Variants in CCDC47 observed in about 807,000 individuals in gnomAD.
CCDC47 encodes coiled-coil domain containing 47.
A neutral mutation model predicts 60.5 loss-of-function variants in CCDC47; 41 were observed. The ratio of observed to expected loss-of-function variants is 0.68; its 90% CI spans 0.53 to 0.88. The LOEUF is 0.88. CCDC47 is among the 40% of genes least tolerant of loss of function. The pLI is 0.00. For missense variants in CCDC47, 513 were observed against 580.9 expected (o/e 0.88, Z 1.20); for synonymous variants, 195 against 190.7 (o/e 1.02, Z -0.18).
intron 1 of CCDC47, among the ~76,000 whole-genome samples, chr17:63,769,207 G>A (rs57271778): frequency 5.4e-5 from 8 of 148,636 alleles, no homozygotes; most frequent in East Asian, 2.0e-4. Context: ...CCATGACTGC[G>A]CCACTGCACT....
At chr17:63,750,787 G>A (rs961318814) in intron 12 of CCDC47, among the ~76,000 whole-genome samples, 6 of 151,900 alleles carry the variant, frequency 3.9e-5, no homozygotes, top group Non-Finnish European at 8.8e-5. Flanking sequence ...CGGGGTTTCA[G>A]CATGTTGGTC....
At chr17:63,756,423 G>C (rs2144480714) in intron 7 of CCDC47, 46 bp downstream of exon 7, 2 of 1,576,018 alleles carry the variant, frequency 1.3e-6, no homozygotes, top group Middle Eastern at 3.3e-4. Flanking sequence ...TGTGTGCTAA[G>C]GAGACACAGT....
chr17:63,749,048 C>A (rs1430967191), intron 12 of CCDC47, among the ~76,000 whole-genome samples: 1 of 151,400 alleles, frequency 6.6e-6, no homozygotes, highest in African/African-American at 2.4e-5. Context: ...TATATTTATG[C>A]TAGCACATTT....
chr17:63,769,257 A>AC (rs2039318625), intron 1 of CCDC47, among the ~76,000 whole-genome samples: 1 of 151,498 alleles, frequency 6.6e-6, no homozygotes, highest in South Asian at 2.1e-4. Context: ...AAAAGAAAAA[A>AC]AAAAAACAAA....
At chr17:63,758,628 AC>A (rs1446748155) in intron 6 of CCDC47, among the ~76,000 whole-genome samples, 2 of 152,206 alleles carry the variant, frequency 1.3e-5, no homozygotes, top group Admixed American at 6.5e-5. Flanking sequence ...GTATTGGAAA[AC>A]AGTCCAGACA....
rs756973993 is a variant in CCDC47, at chr17:63,764,075, A to G, written c.488T>C (p.Leu163Pro). The G allele has an allele frequency of 6.2e-7, 1 of 1,613,502 alleles. No individual in the cohort carries two copies. The highest frequency in any genetic ancestry group is 8.5e-7 in the Non-Finnish European group (1 of 1,179,902). ...ATGAGTGTTAAACCAGGCCTGTGCA[A>G]GGCGACTGTTTTTATTCTTCCCAAT... ...YIIGKNKNSR[L>P]AQAWFNTHRE... Residue 163 changes from leucine (L) to proline (P), a missense_variant, in exon 4 of 13, where the codon CTT becomes CCT. Coordinates refer to ENST00000225726, the MANE Select transcript of CCDC47 (RefSeq NM_020198.3).
rs946612524 is a variant in CCDC47, at chr17:63,772,338, C to G, written c.-20+1074G>C. ...GCACGATCTCGGCTCACTGCAAGCT[C>G]CGCCTCCCGGGTTCACGCCATTCTT... On this transcript the variant is annotated intron_variant, in intron 1 of 12. Transcript: ENST00000225726. 2.0e-5 allele frequency among the ~76,000 whole-genome samples: 3 copies of G among 147,566 alleles called. No individual in the cohort carries two copies. The South Asian group carries it at 6.6e-4, about 33-fold the overall frequency.
In CCDC47 at chr17:63,752,776, G is replaced by T. The variant is rs1175551295; in HGVS notation, c.1058C>A (p.Pro353His). The T allele has an allele frequency of 2.5e-6, 4 of 1,612,080 alleles. No homozygotes were observed. Among genetic ancestry groups the T allele is most frequent in the Non-Finnish European group, 2.5e-6 (3 of 1,179,142 alleles). Residue 353 changes from proline to histidine, a missense_variant, in exon 10 of 13, where the codon CCT becomes CAT. Coordinates refer to ENST00000225726, the MANE Select transcript of CCDC47 (RefSeq NM_020198.3). The part of the protein sequence containing the change: ...MQEEGQPLKL[P>H]DTKRTLLFTF... ...AAACAACAGTGTCCTCTTAGTGTCA[G>T]GTAGCTTTAAAGGCTGACCTTCCCT...
intron 4 of CCDC47, chr17:63,762,075 A>T: frequency 4.1e-6 from 4 of 983,852 alleles, no homozygotes; most frequent in Non-Finnish European, 4.8e-6. Flanking sequence ...AACTTTAACC[A>T]AGCTTTCTTT....
chr17:63,761,402 C>A (rs779486883), intron 4 of CCDC47, 51 bp from the exon 5 acceptor site: 11 of 1,604,892 alleles, frequency 6.9e-6, no homozygotes, highest in Admixed American at 6.7e-5. Context: ...CAAGGCCGGG[C>A]CGGGGGTGGT....
chr17:63,754,092 T>C (rs1332875349), intron 9 of CCDC47, among the ~76,000 whole-genome samples: 1 of 151,800 alleles, frequency 6.6e-6, no homozygotes, highest in East Asian at 1.9e-4. Flanking sequence ...GGCAACAGAG[T>C]GAGACAGCGT....
intron 8 of CCDC47, among the ~76,000 whole-genome samples, chr17:63,755,022 G>C (rs192167970): frequency 6.6e-6 from 1 of 152,046 alleles, no homozygotes; most frequent in East Asian, 1.9e-4. Context: ...CCAGGCTAGA[G>C]TGCAGTGGCA....
rs116391683 is a variant in CCDC47 at position 63,754,105 on chromosome 17, C to T, written c.1034+328G>A. 8.8e-3 allele frequency among the ~76,000 whole-genome samples: 1,317 copies of T among 149,796 alleles called. 18 individuals carry two copies. The highest frequency in any genetic ancestry group is 0.032 in the African/African-American group (1,263 of 40,028). ...TAGGCAACAGAGTGAGACAGCGTCT[C>T]AAACAAACAAAAAACAAAACAAAAC... On this transcript the variant is annotated intron_variant, in intron 9 of 12. Transcript: ENST00000225726.
At chr17:63,748,515 C>G (rs1350920423) in intron 12 of CCDC47, among the ~76,000 whole-genome samples, 1 of 152,248 alleles carries the variant, frequency 6.6e-6, no homozygotes, top group Admixed American at 6.5e-5. Context: ...ACCTCTGCCT[C>G]CCAGGTTCGA....
rs1326319807 is a variant in CCDC47 at position 63,752,736 on chromosome 17, C to A, written c.1093+5G>T. 6.2e-7 allele frequency: 1 copy of A among 1,610,486 alleles called. No individual in the cohort carries two copies. Among genetic ancestry groups the A allele is most frequent in the Non-Finnish European group, 8.5e-7 (1 of 1,178,624 alleles). On this transcript the variant is annotated splice_donor_5th_base_variant and intron_variant, in intron 10 of 12. Coordinates refer to ENST00000225726, the MANE Select transcript of CCDC47 (RefSeq NM_020198.3). ...AAGAACCCAGAAAGGACCCAGAATA[C>A]TTACCATTAAATGTAAACAACAGTG...
At chr17:63,763,069 C>T (rs1459995711) in intron 4 of CCDC47, among the ~76,000 whole-genome samples, 1 of 152,156 alleles carries the variant, frequency 6.6e-6, no homozygotes, top group Non-Finnish European at 1.5e-5. Flanking sequence ...AGAAGCACAC[C>T]ACTGTGACTG....
intron 6 of CCDC47, among the ~76,000 whole-genome samples, chr17:63,759,550 TATA>T (rs2039238630): frequency 3.5e-5 from 1 of 28,624 alleles, no homozygotes; most frequent in Admixed American, 3.9e-4. Context: ...TATATATATA[TATA>T]TATATATATA....
Position 63,764,730 on chromosome 17 carries a change from G to C in CCDC47, c.372+10C>G. 6.2e-7 allele frequency: 1 copy of C among 1,603,638 alleles called. No individual in the cohort carries two copies. Among genetic ancestry groups the C allele is most frequent in the African/African-American group, 1.3e-5 (1 of 74,654 alleles). On this transcript the variant is annotated intron_variant, in intron 3 of 12. Transcript: ENST00000225726. ...TGTTTAGTTGGGAATTCAGAATCCT[G>C]GATACCTACATCAACAATCGTTATT...
At position 63,761,264 on chromosome 17, in the gene CCDC47, C is replaced by A. The variant is rs769348193; in HGVS notation, c.635G>T (p.Arg212Leu). 6.2e-7 allele frequency: 1 copy of A among 1,614,114 alleles called. No homozygotes were observed. Among genetic ancestry groups the A allele is most frequent in the Non-Finnish European group, 8.5e-7 (1 of 1,179,994 alleles). Residue 212 changes from arginine to leucine, a missense_variant, in exon 5 of 13, where the codon CGA becomes CTA. Arg to Leu is a moderately radical substitution (Grantham distance 102). Transcript: ENST00000225726. The stretch of plus-strand genomic sequence containing the variant: ...GATAAGCATGCCCTCACAGCACACT[C>A]GACCAGAACACCACAGGTTATAGAT... ...EHIYNLWCSG[R>L]VCCEGMLIQL...
Sources: allele counts gnomAD v4.1 joint callset (sites outside exome capture counted in the v4.1 genomes callset), GRCh38; gene constraint gnomAD v4.1.1; transcripts MANE v1.5; gene names NCBI Gene and HGNC (gene_info 2026-07-23, HGNC 2026-07-21).